The following STARD3 variants were observed in gnomAD, a reference collection of about 807,000 sequenced individuals.
STARD3 encodes StAR related lipid transfer domain containing 3.
Under a neutral mutation model 62.0 loss-of-function variants are expected in STARD3, and 39 were observed. The ratio of observed to expected loss-of-function variants is 0.63; its 90% CI spans 0.49 to 0.82. The LOEUF (loss-of-function observed/expected upper bound fraction) is 0.82. Ranked by LOEUF, STARD3 falls within the 40% of genes least tolerant of loss-of-function variation. The pLI is 0.00. For synonymous variants in STARD3, 229 were observed against 242.4 expected (o/e 0.94, Z 0.51); for missense variants, 543 against 584.5 (o/e 0.93, Z 0.73).
intron 14 of STARD3, 166 bp from the exon 15 acceptor site, chr17:39,662,638 C>A: frequency 1.5e-6 from 1 of 685,314 alleles, no homozygotes; most frequent in South Asian, 1.9e-5. Context: ...AAGAGCCAGG[C>A]CCAGCATGTT....
chr17:39,647,524 T>C (rs547592982), intron 1 of STARD3, among the ~76,000 whole-genome samples: 18 of 152,244 alleles, frequency 1.2e-4, no homozygotes, highest in African/African-American at 4.3e-4. Flanking sequence ...CTGTGATGCC[T>C]CCAGGGCTAG....
chr17:39,638,602 G>A (rs113328832), intron 1 of STARD3, among the ~76,000 whole-genome samples: 4 of 152,100 alleles, frequency 2.6e-5, no homozygotes, highest in African/African-American at 9.7e-5. Flanking sequence ...TAACCCCCAA[G>A]GTTAATTGCC....
At chr17:39,656,814 G>A (rs1237828309) in intron 2 of STARD3, 194 bp from the exon 3 acceptor site, 4 of 591,176 alleles carry the variant, frequency 6.8e-6, no homozygotes, top group African/African-American at 5.6e-5. Context: ...TAGAGGACTG[G>A]TATTGGTGCC....
chr17:39,652,897 C>G (rs1014925954), intron 1 of STARD3: 1 of 154,954 alleles, frequency 6.5e-6, no homozygotes, highest in African/African-American at 2.4e-5. Flanking sequence ...GTGGTTGGAC[C>G]TAGGCAGGGC....
Position 39,660,368 on chromosome 17 carries a change from A to G in STARD3, c.859-63A>G, listed in dbSNP as rs913820288. ...CCTCTGGTGGGTGCCCCCCACCAAG[A>G]GGGAAGGGTTGGTCTGCCCGAGCCC... On this transcript the variant is annotated intron_variant, in intron 10 of 14. Transcript: ENST00000336308. The surrounding 1 kb of genome is among the most constrained non-coding windows in gnomAD (Gnocchi z 4.8). The G allele has an allele frequency of 7.5e-6, 12 of 1,610,548 alleles. No individual in the cohort carries two copies. The South Asian group carries it at 1.2e-4, about 16-fold the overall frequency.
Position 39,657,039 on chromosome 17 carries a change from A to G in STARD3, c.251A>G (p.Gln84Arg), listed in dbSNP as rs776715325. 1.9e-6 allele frequency: 3 copies of G among 1,614,212 alleles called. No individual in the cohort carries two copies. The highest frequency in any genetic ancestry group is 2.5e-6 in the Non-Finnish European group (3 of 1,180,024). Residue 84 changes from glutamine to arginine, a missense_variant, in exon 3 of 15, where the codon CAG (glutamine) becomes CGG (arginine). Transcript: ENST00000336308. ...ACAGGCATCCGTAAGAACTTGGAGCAGGAGATCATCCAGTACAACTTTAAA... is the reference window on the plus strand; with the variant it reads ...ACAGGCATCCGTAAGAACTTGGAGCGGGAGATCATCCAGTACAACTTTAAA... The part of the protein sequence containing the change: ...TNTGIRKNLE[Q>R]EIIQYNFKTS...
rs2057221932 is a variant in STARD3 at position 39,663,282 on chromosome 17, C to T, written c.*374C>T. On this transcript the variant is annotated 3_prime_UTR_variant, in exon 15 of 15. Transcript: ENST00000336308. ...TGTCACCCGTGTGAAGATGAAGGGG[C>T]TCTTCATCTGCCTGCGCTCTCGTCG... is the stretch of plus-strand genomic sequence containing the variant. 1 of 395,596 alleles carries T rather than the reference C, an allele frequency of 2.5e-6. No individual in the cohort carries two copies. Among genetic ancestry groups the T allele is most frequent in the South Asian group, 1.4e-4 (1 of 7,188 alleles). The allele number at this position is 395,596 out of a possible 1,614,324, so 24.5% of individuals were successfully genotyped here.
intron 3 of STARD3, among the ~76,000 whole-genome samples, chr17:39,657,524 C>T (rs1323644370): frequency 6.7e-6 from 1 of 148,258 alleles, no homozygotes. Flanking sequence ...GAGACTCTGT[C>T]TCAAAAAAAA....
Position 39,658,840 on chromosome 17 carries a change from G to A in STARD3, c.646+20G>A. 2 of 1,612,238 alleles carry A rather than the reference G, an allele frequency of 1.2e-6. No homozygotes were observed. The highest frequency in any genetic ancestry group is 4.5e-5 in the East Asian group (2 of 44,856). On this transcript the variant is annotated intron_variant, in intron 7 of 14. Coordinates refer to ENST00000336308, the MANE Select transcript of STARD3 (RefSeq NM_006804.4). ...TTGCAGGTGAGGGCTGGTGTGTGGG[G>A]GAACTGCTTTCAGGGAGGGGCCTTG...
At chr17:39,638,265 C>T (rs1042034921) in intron 1 of STARD3, among the ~76,000 whole-genome samples, 8 of 152,240 alleles carry the variant, frequency 5.3e-5, no homozygotes, top group Admixed American at 5.2e-4. Flanking sequence ...GCAACCCAGT[C>T]TCCAAACTGT....
At chr17:39,645,952 C>T (rs939263869) in intron 1 of STARD3, among the ~76,000 whole-genome samples, 1 of 114,868 alleles carries the variant, frequency 8.7e-6, no homozygotes, top group Non-Finnish European at 1.6e-5. Context: ...AATGCAGTGG[C>T]GGGATCTTGG....
Position 39,658,165 on chromosome 17 carries a change from C to G in STARD3, c.429+139C>G, listed in dbSNP as rs1054324254. The G allele has an allele frequency of 9.7e-6, 10 of 1,032,872 alleles. No homozygotes were observed. The African/African-American group carries it at 1.4e-4, about 15-fold the overall frequency. The allele number at this position is 1,032,872 out of a possible 1,614,324, so 64.0% of individuals were successfully genotyped here. ...GAGAGGGAATCCTGTCCTTTGGTAT[C>G]TATAAGGAATCATCCTTCACCCGCT... On this transcript the variant is annotated intron_variant, in intron 5 of 14. Transcript: ENST00000336308.
At chr17:39,659,419 A>G in intron 8 of STARD3, 42 bp from the exon 9 acceptor site, 3 of 1,582,702 alleles carry the variant, frequency 1.9e-6, no homozygotes, top group Middle Eastern at 1.7e-4. Context: ...GGTGGACTGC[A>G]GGCCCCAGGC....
chr17:39,647,472 C>G (rs376269586), intron 1 of STARD3, among the ~76,000 whole-genome samples: 2 of 152,144 alleles, frequency 1.3e-5, no homozygotes, highest in South Asian at 2.1e-4. Flanking sequence ...CTGCCTCCCC[C>G]TCATCAGGAG....
intron 13 of STARD3, chr17:39,661,332 T>C: frequency 1.9e-6 from 1 of 539,210 alleles, no homozygotes; most frequent in Non-Finnish European, 3.4e-6. Flanking sequence ...CGGCGGTGGC[T>C]GGCTGGGGTA....
intron 1 of STARD3, among the ~76,000 whole-genome samples, chr17:39,640,178 G>T (rs2056970798): frequency 6.6e-6 from 1 of 152,172 alleles, no homozygotes; most frequent in Non-Finnish European, 1.5e-5. Context: ...GTGCGGGGGA[G>T]ATAAAAAATC....
chr17:39,638,141 T>C (rs1300919219), intron 1 of STARD3, among the ~76,000 whole-genome samples: 2 of 152,216 alleles, frequency 1.3e-5, no homozygotes, highest in Non-Finnish European at 2.9e-5. Context: ...ATCTTAAAAG[T>C]GACCTAGTAC....
intron 1 of STARD3, among the ~76,000 whole-genome samples, chr17:39,649,320 C>T (rs544836003): frequency 5.3e-5 from 8 of 152,128 alleles, no homozygotes; most frequent in Admixed American, 1.3e-4. Context: ...TTTCCAACAA[C>T]GGGAATATAT....
chr17:39,659,500 G>A lies in STARD3; in HGVS notation c.742G>A (p.Val248Met). The change falls in exon 9 of 15, where the codon GTG becomes ATG. Residue 248 changes from valine to methionine, a missense_variant. Physicochemically the swap from Val to Met is conservative, Grantham distance 21. Coordinates refer to ENST00000336308, the MANE Select transcript of STARD3 (RefSeq NM_006804.4). ...CCGCCAGGGGAAGGAGGCCACGGCA[G>A]TGGTGGACCAGATCTTGGCCCAGGA... ...YIRQGKEATA[V>M]VDQILAQEEN... 6.2e-7 allele frequency: 1 copy of A among 1,614,186 alleles called. No individual in the cohort carries two copies. The highest frequency in any genetic ancestry group is 2.2e-5 in the East Asian group (1 of 44,886).
Sources: gnomAD v4.1 joint callset for allele counts (sites outside exome capture counted in the v4.1 genomes callset) on GRCh38, gnomAD v4.1.1 for gene constraint, Gnocchi (gnomAD v3.1) non-coding constraint, MANE v1.5 for transcripts, NCBI Gene and HGNC (gene_info 2026-07-23, HGNC 2026-07-21) for gene names.